ALG14: variants seen among roughly 807,000 people sequenced by gnomAD.
ALG14 encodes the protein ALG14 UDP-N-acetylglucosaminyltransferase subunit.
Under a neutral mutation model 22.8 loss-of-function variants are expected in ALG14, and 17 were observed. The observed-to-expected ratio is 0.75, with a 90% confidence interval of 0.51 to 1.12. ALG14 has a LOEUF of 1.12. ALG14 is among the 50% of genes most tolerant of loss of function. The pLI is 0.00. For synonymous variants in ALG14, 89 were observed against 103.7 expected (o/e 0.86, Z 0.86); for missense variants, 288 against 271.8 (o/e 1.06, Z -0.42).
Position 95,070,532 on chromosome 1 carries a change from A to T in ALG14, c.136+2231T>A, listed in dbSNP as rs1432274604. 4.5e-4 allele frequency among the ~76,000 whole-genome samples: 69 copies of T among 152,158 alleles called. 2 individuals are homozygous for T. The highest frequency in any genetic ancestry group is 5.9e-5 in the Non-Finnish European group (4 of 68,026). ...AGCATCTCTGTTCTTGCGTATACAAACTACCTTCATTCTTCCCCACATGGG... is the reference window on the plus strand; with the variant it reads ...AGCATCTCTGTTCTTGCGTATACAATCTACCTTCATTCTTCCCCACATGGG... On this transcript the variant is annotated intron_variant, in intron 1 of 3. Transcript: ENST00000370205.
At chr1:95,009,744 G>A (rs1169308805) in intron 3 of ALG14, among the ~76,000 whole-genome samples, 1 of 152,148 alleles carries the variant, frequency 6.6e-6, no homozygotes, top group African/African-American at 2.4e-5. Context: ...TGGATTGGAT[G>A]TGGAACAGAA....
chr1:95,048,246 G>A (rs1674624859), intron 2 of ALG14, among the ~76,000 whole-genome samples: 1 of 152,132 alleles, frequency 6.6e-6, no homozygotes, highest in Non-Finnish European at 1.5e-5. Flanking sequence ...CCTGAAAGTT[G>A]GCTCTGACTT....
At position 94,980,003 on chromosome 1, in the gene ALG14, G is replaced by C. The variant is rs1214848825; in HGVS notation, c.*3073C>G. 6.6e-6 allele frequency: 1 copy of C among 151,976 alleles called. No homozygotes were observed. The highest frequency in any genetic ancestry group is 6.6e-5 in the Admixed American group (1 of 15,248). 9.4% of individuals were successfully genotyped at this position (151,976 alleles called of 1,614,324 possible). On this transcript the variant is annotated 3_prime_UTR_variant, in exon 4 of 4. Transcript: ENST00000370205. ...ACTTACAATGATGTTCTTATTGTTG[G>C]TAAAAGGTGCTTAATACATTGCTAT...
rs1010437015 is a variant in ALG14, at chr1:94,982,616, T to C, written c.*460A>G. ...TTCACTGGGGACATCACTGTTTCCA[T>C]ACAGGAAATAAAGCCTTTTGTATCT... On this transcript the variant is annotated 3_prime_UTR_variant, in exon 4 of 4. Transcript: ENST00000370205. The C allele has an allele frequency of 7.5e-6, 1 of 133,964 alleles. No homozygotes were observed. Among genetic ancestry groups the C allele is most frequent in the East Asian group, 2.3e-4 (1 of 4,330 alleles). The allele number at this position is 133,964 out of a possible 1,614,324, so 8.3% of individuals were successfully genotyped here.
intron 3 of ALG14, among the ~76,000 whole-genome samples, chr1:94,988,922 C>T (rs568069268): frequency 1.3e-5 from 2 of 152,212 alleles, no homozygotes; most frequent in Admixed American, 6.5e-5. Context: ...TTCTAACTTA[C>T]GTCTTTGTAT....
chr1:94,993,600 T>C (rs1452714440), intron 3 of ALG14, among the ~76,000 whole-genome samples: 1 of 152,100 alleles, frequency 6.6e-6, no homozygotes, highest in African/African-American at 2.4e-5. Context: ...AGTGACCCTG[T>C]AGTATACTTC....
chr1:95,071,128 G>T (rs1270913795), intron 1 of ALG14, among the ~76,000 whole-genome samples: 2 of 152,150 alleles, frequency 1.3e-5, no homozygotes, highest in African/African-American at 2.4e-5. Context: ...TTAACTAATT[G>T]CCTGAGATCC....
chr1:95,000,776 C>CT (rs1673042860), intron 3 of ALG14, among the ~76,000 whole-genome samples: 1 of 53,596 alleles, frequency 1.9e-5, no homozygotes, highest in Non-Finnish European at 3.4e-5. Context: ...ATATGCCACA[C>CT]TAAAAAAAAA....
intron 2 of ALG14, among the ~76,000 whole-genome samples, chr1:95,028,773 T>A (rs1673906117): frequency 6.6e-6 from 1 of 151,936 alleles, no homozygotes; most frequent in African/African-American, 2.4e-5. Flanking sequence ...CACTCCAGCT[T>A]GGGTGATAGA....
At chr1:95,070,394 T>A (rs941049219) in intron 1 of ALG14, among the ~76,000 whole-genome samples, 1 of 152,254 alleles carries the variant, frequency 6.6e-6, no homozygotes, top group African/African-American at 2.4e-5. Context: ...ATCAGTGATT[T>A]TCAGTGAAAC....
chr1:95,062,169 T>C (rs1156647337), intron 2 of ALG14: 2 of 152,196 alleles, frequency 1.3e-5, no homozygotes, highest in African/African-American at 4.8e-5. Flanking sequence ...AATAAGCACA[T>C]GAACAGGATG....
intron 3 of ALG14, among the ~76,000 whole-genome samples, chr1:94,993,291 A>T (rs1672821428): frequency 6.8e-6 from 1 of 146,028 alleles, no homozygotes; most frequent in Admixed American, 6.9e-5. Flanking sequence ...TTATATATTT[A>T]TATATATCAG....
chr1:95,030,782 T>G (rs1673976013), intron 2 of ALG14, among the ~76,000 whole-genome samples: 2 of 151,940 alleles, frequency 1.3e-5, no homozygotes, highest in African/African-American at 4.8e-5. Context: ...TGGAAGAAAG[T>G]CTACATCTCA....
In ALG14 at chr1:94,978,166, C is replaced by A. The variant is rs1266745986; in HGVS notation, c.*4910G>T. ...GCAACCTCCACCTCCCTGGTTCAAG[C>A]AATTATTTGCCTCAGCCTCCCAAGT... is the stretch of plus-strand genomic sequence containing the variant. On this transcript the variant is annotated 3_prime_UTR_variant, in exon 4 of 4. Transcript: ENST00000370205. The A allele has an allele frequency of 4.0e-5, 6 of 151,516 alleles. No homozygotes were observed. The East Asian group carries it at 1.2e-3, about 30-fold the overall frequency. The allele number at this position is 151,516 out of a possible 1,614,324, so 9.4% of individuals were successfully genotyped here.
At chr1:95,051,397 C>T (rs1434218920) in intron 2 of ALG14, among the ~76,000 whole-genome samples, 1 of 152,168 alleles carries the variant, frequency 6.6e-6, no homozygotes, top group Non-Finnish European at 1.5e-5. Flanking sequence ...GCATCCACTC[C>T]CAGTCTAAGC....
chr1:95,026,116 T>C (rs1202426964), intron 3 of ALG14, among the ~76,000 whole-genome samples: 1 of 152,150 alleles, frequency 6.6e-6, no homozygotes, highest in Non-Finnish European at 1.5e-5. Context: ...GTATTTTTAG[T>C]AGAGACAGGG....
At chr1:95,059,420 A>AC (rs397977234) in intron 2 of ALG14, among the ~76,000 whole-genome samples, 10 of 148,442 alleles carry the variant, frequency 6.7e-5, no homozygotes, top group Non-Finnish European at 1.2e-4. Context: ...AAAAAAAAAA[A>AC]CATATTATTC....
At chr1:95,019,639 G>T (rs59569067) in intron 3 of ALG14, among the ~76,000 whole-genome samples, 7,096 of 152,250 alleles carry the variant, frequency 0.047, 222 homozygotes, top group South Asian at 0.084. Context: ...GCTGTAAAAT[G>T]CTGTCCTGGT....
At chr1:94,997,550 C>G (rs549351543) in intron 3 of ALG14, among the ~76,000 whole-genome samples, 12 of 152,316 alleles carry the variant, frequency 7.9e-5, no homozygotes, top group African/African-American at 2.6e-4. Context: ...AAAGCATGGG[C>G]TCTGGAGCCT....
Sources: allele counts gnomAD v4.1 joint callset (sites outside exome capture counted in the v4.1 genomes callset), GRCh38; gene constraint gnomAD v4.1.1; transcripts MANE v1.5; gene names NCBI Gene and HGNC (gene_info 2026-07-23, HGNC 2026-07-21).